Variants in PPM1L observed in about 807,000 individuals in gnomAD.
PPM1L encodes the protein protein phosphatase, Mg2+/Mn2+ dependent 1L, also known as protein phosphatase 1L.
Under a neutral mutation model 31.4 loss-of-function variants are expected in PPM1L, and 13 were observed. The observed-to-expected ratio is 0.41, with a 90% CI of 0.27 to 0.66. The LOEUF (loss-of-function observed/expected upper bound fraction) is 0.66. Among genes scored for constraint, PPM1L ranks in the 30% least tolerant of loss-of-function variants. The pLI is 0.29. For synonymous variants in PPM1L, 184 were observed against 175.4 expected (o/e 1.05, Z -0.39); for missense variants, 326 against 453.7 (o/e 0.72, Z 2.56).
chr3:160,998,314 C>T (rs767068868), intron 2 of PPM1L, among the ~76,000 whole-genome samples: 12 of 152,206 alleles, frequency 7.9e-5, no homozygotes, highest in Non-Finnish European at 1.8e-4. Flanking sequence ...TTGATTAGCA[C>T]CTGTGTCTCA....
intron 2 of PPM1L, 58 bp downstream of exon 2, chr3:160,961,968 C>A (rs1328773707): frequency 1.4e-6 from 2 of 1,379,376 alleles, no homozygotes; most frequent in South Asian, 1.6e-5. Flanking sequence ...TCATTATAAA[C>A]CTTGATTAAA....
At chr3:160,876,670 C>T (rs918746866) in intron 1 of PPM1L, among the ~76,000 whole-genome samples, 3 of 152,194 alleles carry the variant, frequency 2.0e-5, no homozygotes, top group Non-Finnish European at 4.4e-5. Context: ...TCTGGAAACT[C>T]AGCACTCCCA....
At chr3:160,791,731 A>G (rs976290273) in intron 1 of PPM1L, among the ~76,000 whole-genome samples, 6 of 152,162 alleles carry the variant, frequency 3.9e-5, no homozygotes, top group Non-Finnish European at 7.4e-5. Context: ...AGAAATAATG[A>G]GTGTTAGGAA....
At chr3:160,912,167 G>A (rs114295274) in intron 1 of PPM1L, among the ~76,000 whole-genome samples, 1 of 152,092 alleles carries the variant, frequency 6.6e-6, no homozygotes, top group Non-Finnish European at 1.5e-5. Context: ...GACATCATGT[G>A]GGGTATGTAA....
chr3:160,835,149 CTTTTTTT>C (rs374361985), intron 1 of PPM1L, among the ~76,000 whole-genome samples: 2 of 50,642 alleles, frequency 3.9e-5, no homozygotes, highest in Admixed American at 2.0e-4. Context: ...CTTTTTCTTC[CTTTTTTT>C]TTTTTTTTTT....
intron 1 of PPM1L, among the ~76,000 whole-genome samples, chr3:160,862,211 T>C (rs1049722235): frequency 2.0e-5 from 3 of 152,136 alleles, no homozygotes; most frequent in African/African-American, 2.4e-5. Context: ...TAGTATTTTG[T>C]CAAAGAAAAT....
intron 2 of PPM1L, among the ~76,000 whole-genome samples, chr3:161,008,933 T>C (rs1717797566): frequency 6.6e-6 from 1 of 152,064 alleles, no homozygotes. Flanking sequence ...AGCATAGAGA[T>C]GGTATTTAAA....
intron 1 of PPM1L, among the ~76,000 whole-genome samples, chr3:160,920,569 G>T (rs534255660): frequency 8.7e-4 from 126 of 145,274 alleles, no homozygotes; most frequent in Non-Finnish European, 1.6e-3. Flanking sequence ...CCCAGCAACT[G>T]CACTTATGCA....
At chr3:160,881,081 C>T (rs1302099731) in intron 1 of PPM1L, among the ~76,000 whole-genome samples, 1 of 152,188 alleles carries the variant, frequency 6.6e-6, no homozygotes, top group African/African-American at 2.4e-5. Context: ...ACTTTTTCAG[C>T]AGCATTTAAA....
rs543426542 is a variant in PPM1L at position 160,840,050 on chromosome 3, G to A, written c.399+83343G>A. 5.3e-5 allele frequency among the ~76,000 whole-genome samples: 8 copies of A among 152,304 alleles called. 1 individual carries two copies. The highest frequency in any genetic ancestry group is 1.9e-4 in the African/African-American group (8 of 41,572). On this transcript the variant is annotated intron_variant, in intron 1 of 3. Transcript: ENST00000498165. ...AATTTTGGGAAATGCTGGTTTAAGT[G>A]AAGGTAACTGATTTCTTTATGAGGA...
intron 1 of PPM1L, among the ~76,000 whole-genome samples, chr3:160,960,870 C>T (rs1202026029): frequency 2.0e-5 from 3 of 152,154 alleles, no homozygotes; most frequent in African/African-American, 7.2e-5. Context: ...GCTACCACTG[C>T]AGCCTACCAG....
intron 1 of PPM1L, chr3:160,870,634 T>G (rs1277861477): frequency 6.6e-6 from 1 of 152,200 alleles, no homozygotes; most frequent in Non-Finnish European, 1.5e-5. Context: ...CGGTCATTTC[T>G]GTGTTTTGGC....
intron 1 of PPM1L, among the ~76,000 whole-genome samples, chr3:160,784,184 A>G (rs2108068503): frequency 6.6e-6 from 1 of 152,268 alleles, no homozygotes; most frequent in South Asian, 2.1e-4. Context: ...ATCTATATTC[A>G]CAGATATATA....
intron 1 of PPM1L, among the ~76,000 whole-genome samples, chr3:160,794,565 T>G (rs73877951): frequency 0.053 from 8,050 of 152,298 alleles, 701 homozygotes; most frequent in African/African-American, 0.18. Flanking sequence ...AAGTATCATT[T>G]GTAACTTCTA....
At chr3:160,831,389 A>G (rs961979134) in intron 1 of PPM1L, among the ~76,000 whole-genome samples, 3 of 152,186 alleles carry the variant, frequency 2.0e-5, no homozygotes, top group Non-Finnish European at 4.4e-5. Flanking sequence ...TATTTTTGTC[A>G]GTAACCCTTT....
intron 1 of PPM1L, among the ~76,000 whole-genome samples, chr3:160,960,558 TTGTGTGTGTGTGTGTGTGTGTGTGTG>T (rs59297068): frequency 2.1e-5 from 3 of 145,452 alleles, no homozygotes; most frequent in Non-Finnish European, 4.5e-5. Context: ...TTTAGCAGTT[TTGTGTGTGTGTGTGTGTGTGTGTGTG>T]TGTGTGTGTG....
At chr3:160,916,455 A>T (rs1472039510) in intron 1 of PPM1L, among the ~76,000 whole-genome samples, 1 of 152,160 alleles carries the variant, frequency 6.6e-6, no homozygotes, top group Non-Finnish European at 1.5e-5. Context: ...CTGTAATAAA[A>T]ATAATGGTCT....
At chr3:161,064,375 A>C (rs1425077394) in intron 2 of PPM1L, among the ~76,000 whole-genome samples, 2 of 142,470 alleles carry the variant, frequency 1.4e-5, no homozygotes, top group African/African-American at 5.2e-5. Flanking sequence ...TCTTAAAAAA[A>C]GAAAAAAAAA....
chr3:160,916,129 A>G (rs1211325244), intron 1 of PPM1L, among the ~76,000 whole-genome samples: 2 of 152,250 alleles, frequency 1.3e-5, no homozygotes, highest in Non-Finnish European at 2.9e-5. Context: ...GGCAACCTAC[A>G]GAATGGGAGA....
Sources: gnomAD v4.1 joint callset for allele counts (sites outside exome capture counted in the v4.1 genomes callset) on GRCh38, gnomAD v4.1.1 for gene constraint, MANE v1.5 for transcripts, NCBI Gene and HGNC (gene_info 2026-07-23, HGNC 2026-07-21) for gene names.